Variants in DLGAP1 observed in about 807,000 individuals in gnomAD.
DLGAP1 encodes the protein disks large-associated protein 1.
Under a neutral mutation model 90.8 loss-of-function variants are expected in DLGAP1, and 11 were observed. The ratio of observed to expected loss-of-function variants is 0.12; its 90% CI spans 0.08 to 0.20. The LOEUF (loss-of-function observed/expected upper bound fraction) is 0.20, where lower values mean the gene tolerates loss of function less well. DLGAP1 is among the 10% of genes least tolerant of loss of function. DLGAP1 has a pLI of 1.00. For missense variants in DLGAP1, 1,050 were observed against 1,333.8 expected, an observed-to-expected ratio of 0.79 and a Z score of 3.31; for synonymous variants, 558 against 540.7, an observed-to-expected ratio of 1.03 and a Z score of -0.44.
intron 1 of DLGAP1, among the ~76,000 whole-genome samples, chr18:4,433,555 T>A (rs971922036): frequency 3.9e-5 from 6 of 152,188 alleles, no homozygotes; most frequent in Non-Finnish European, 7.3e-5. Flanking sequence ...GTTAACATAG[T>A]AGGCACTGTT....
chr18:4,130,775 A>C (rs1400060677), intron 2 of DLGAP1, among the ~76,000 whole-genome samples: 1 of 152,136 alleles, frequency 6.6e-6, no homozygotes, highest in African/African-American at 2.4e-5. Flanking sequence ...AGGTAAGGGA[A>C]GGCTGTTCTG....
chr18:4,248,050 A>G (rs912837578), intron 1 of DLGAP1, among the ~76,000 whole-genome samples: 4 of 152,214 alleles, frequency 2.6e-5, no homozygotes, highest in Middle Eastern at 3.4e-3. Flanking sequence ...GATGAAAAAA[A>G]TATCGTGATT....
chr18:3,755,504 A>T (rs1236809147), intron 5 of DLGAP1, among the ~76,000 whole-genome samples: 2 of 152,180 alleles, frequency 1.3e-5, no homozygotes, highest in African/African-American at 4.8e-5. Flanking sequence ...AACCCAAAAA[A>T]GAACTGGAGA....
At position 4,252,596 on chromosome 18, in the gene DLGAP1, T is replaced by A. The variant is rs570372264; in HGVS notation, c.-266-101309A>T. Among the ~76,000 whole-genome samples, 142 of 152,328 alleles carry A rather than the reference T, an allele frequency of 9.3e-4. 1 individual carries two copies. The highest frequency in any genetic ancestry group is 3.3e-3 in the African/African-American group (139 of 41,580). On this transcript the variant is annotated intron_variant, in intron 1 of 12. Coordinates refer to ENST00000315677, the MANE Select transcript of DLGAP1 (RefSeq NM_004746.4). ...GCAGTCATGACTCTCTTACAGCAAATGGCTTACAAAACAGTTGAACTTTCC... is the reference window on the plus strand; with the variant it reads ...GCAGTCATGACTCTCTTACAGCAAAAGGCTTACAAAACAGTTGAACTTTCC...
rs1388979550 is a variant in DLGAP1 at position 3,725,410 on chromosome 18, A to G, written c.1591+3725T>C. Among the ~76,000 whole-genome samples the G allele has an allele frequency of 8.5e-5, 13 of 152,292 alleles. No homozygotes were observed. The East Asian group carries it at 9.6e-4, about 11-fold the overall frequency. ...TTCCTTCAGAGGCAGGTTTAATCCA[A>G]TCCTCTGAAGTGGAGGTCTGGGTGT... On this transcript the variant is annotated intron_variant, in intron 7 of 12. Coordinates refer to ENST00000315677, the MANE Select transcript of DLGAP1 (RefSeq NM_004746.4).
chr18:3,977,434 G>GGGTTTTTTTTTTT (rs767760816), intron 3 of DLGAP1, among the ~76,000 whole-genome samples: 6 of 95,330 alleles, frequency 6.3e-5, no homozygotes, highest in African/African-American at 2.5e-4. Flanking sequence ...TTTATTCTGT[G>GGGTTTTTTTTTTT]TTTTTTTTTT....
chr18:3,995,888 T>C (rs967923434), intron 3 of DLGAP1, among the ~76,000 whole-genome samples: 2 of 152,120 alleles, frequency 1.3e-5, no homozygotes, highest in Admixed American at 6.6e-5. Context: ...GGAATGATTT[T>C]TTTTCATAAA....
intron 7 of DLGAP1, among the ~76,000 whole-genome samples, chr18:3,669,993 G>C (rs1244187329): frequency 6.6e-6 from 1 of 152,202 alleles, no homozygotes; most frequent in Non-Finnish European, 1.5e-5. Context: ...CTAGAGGTAT[G>C]CGTAGTGAGG....
At chr18:4,387,460 A>G (rs183798854) in intron 1 of DLGAP1, among the ~76,000 whole-genome samples, 5 of 152,332 alleles carry the variant, frequency 3.3e-5, no homozygotes, top group African/African-American at 7.2e-5. Context: ...GGAAATAAAT[A>G]CACTTCATTT....
intron 1 of DLGAP1, among the ~76,000 whole-genome samples, chr18:4,167,185 G>A (rs1314759385): frequency 6.6e-6 from 1 of 152,032 alleles, no homozygotes; most frequent in Non-Finnish European, 1.5e-5. Flanking sequence ...CTTATATGCC[G>A]ACATTTCAAT....
In DLGAP1 at chr18:4,454,709, T is replaced by C. The variant is rs985148348; in HGVS notation, c.-267+297A>G. ...CCCCCTTCCGGGACCCTGTCGCAATTAGAAATCCTTCCCCTGCCTGGGTCC... is the reference window on the plus strand; with the variant it reads ...CCCCCTTCCGGGACCCTGTCGCAATCAGAAATCCTTCCCCTGCCTGGGTCC... On this transcript the variant is annotated intron_variant, in intron 1 of 12. Coordinates refer to ENST00000315677, the MANE Select transcript of DLGAP1 (RefSeq NM_004746.4). This position sits in a 1 kb window ranked among gnomAD's most constrained non-coding sequence, Gnocchi z 4.7. 6.6e-6 allele frequency among the ~76,000 whole-genome samples: 1 copy of C among 151,462 alleles called. No homozygotes were observed. The highest frequency in any genetic ancestry group is 2.4e-5 in the African/African-American group (1 of 41,218).
rs79918088 is a variant in DLGAP1 at position 4,426,194 on chromosome 18, T to A, written c.-267+28812A>T. Among the ~76,000 whole-genome samples, 1,258 of 152,278 alleles carry A rather than the reference T, an allele frequency of 8.3e-3. 18 individuals carry two copies. The highest frequency in any genetic ancestry group is 0.029 in the African/African-American group (1,192 of 41,552). On this transcript the variant is annotated intron_variant, in intron 1 of 12. Coordinates refer to ENST00000315677, the MANE Select transcript of DLGAP1 (RefSeq NM_004746.4). ...ATTCCATGTGCACAAGAGCTGCTGA[T>A]CCTTTCTTGTAGCCCTGCTACCCTA...
intron 2 of DLGAP1, among the ~76,000 whole-genome samples, chr18:4,125,978 A>G (rs1289378397): frequency 2.6e-5 from 4 of 152,188 alleles, no homozygotes; most frequent in Admixed American, 2.0e-4. Flanking sequence ...AGTGGGTGAG[A>G]CTTGATGAGC....
At position 3,729,125 on chromosome 18, in the gene DLGAP1, G is replaced by C; in HGVS notation, c.1591+10C>G. 2 of 1,597,588 alleles carry C rather than the reference G, an allele frequency of 1.3e-6. No individual in the cohort carries two copies. Among genetic ancestry groups the C allele is most frequent in the Non-Finnish European group, 1.7e-6 (2 of 1,170,764 alleles). Reference sequence around the variant, plus strand: ...CAGGGGCCAGGCTGGCTGAGGGCCCGCGCACTCACCCGTGCTGCTCTGGAT... The same window carrying C: ...CAGGGGCCAGGCTGGCTGAGGGCCCCCGCACTCACCCGTGCTGCTCTGGAT... On this transcript the variant is annotated intron_variant, in intron 7 of 12. Transcript: ENST00000315677. This position sits in a 1 kb window ranked among gnomAD's most constrained non-coding sequence, Gnocchi z 6.2.
chr18:4,271,031 C>A (rs2079266819), intron 1 of DLGAP1, among the ~76,000 whole-genome samples: 1 of 152,126 alleles, frequency 6.6e-6, no homozygotes, highest in South Asian at 2.1e-4. Flanking sequence ...AGGTTTCCAT[C>A]CTGACTCATA....
rs192716356 is a variant in DLGAP1, at chr18:3,960,589, A to T, written c.-73+44527T>A. 2.1e-4 allele frequency among the ~76,000 whole-genome samples: 32 copies of T among 152,316 alleles called. 1 individual carries two copies. Among genetic ancestry groups the T allele is most frequent in the Admixed American group, 2.0e-3 (30 of 15,310 alleles). ...TAAAAAAATAATAACATAAAGAAAC[A>T]AAAACTTGAAACCTAAATTGCTGTG... On this transcript the variant is annotated intron_variant, in intron 3 of 12. Coordinates refer to ENST00000315677, the MANE Select transcript of DLGAP1 (RefSeq NM_004746.4).
chr18:3,525,896 G>C (rs902246848), intron 10 of DLGAP1, among the ~76,000 whole-genome samples: 1 of 152,136 alleles, frequency 6.6e-6, no homozygotes, highest in Non-Finnish European at 1.5e-5. Context: ...GTGCCCTCCT[G>C]AGCTGGGAGA....
intron 1 of DLGAP1, among the ~76,000 whole-genome samples, chr18:4,218,217 G>A (rs114562942): frequency 9.3e-4 from 141 of 151,376 alleles, no homozygotes; most frequent in African/African-American, 3.3e-3. Context: ...ACATTTGCAT[G>A]AGTCTATTTC....
At chr18:4,432,581 C>T (rs1598411940) in intron 1 of DLGAP1, among the ~76,000 whole-genome samples, 1 of 111,200 alleles carries the variant, frequency 9.0e-6, no homozygotes, top group East Asian at 2.8e-4. Context: ...ACATCCATCA[C>T]CTCACATAGT....
Sources: gnomAD v4.1 joint callset for allele counts (sites outside exome capture counted in the v4.1 genomes callset) on GRCh38, gnomAD v4.1.1 for gene constraint, Gnocchi (gnomAD v3.1) non-coding constraint, MANE v1.5 for transcripts, NCBI Gene and HGNC (gene_info 2026-07-23, HGNC 2026-07-21) for gene names.